Variants in TRIM9 observed in about 807,000 individuals in gnomAD.
The protein encoded by TRIM9 is E3 ubiquitin-protein ligase TRIM9.
TRIM9 carries 26 observed loss-of-function variants against 78.3 expected under a neutral mutation model. The observed-to-expected ratio is 0.33, with a 90% CI of 0.24 to 0.46. The LOEUF (loss-of-function observed/expected upper bound fraction) is 0.46. Among genes scored for constraint, TRIM9 ranks in the 20% least tolerant of loss-of-function variants. The pLI, the probability that TRIM9 is intolerant of heterozygous loss-of-function variation, is 1.00. For missense variants in TRIM9, 787 were observed against 1,036.4 expected (o/e 0.76, Z 3.30); for synonymous variants, 398 against 416.5 (o/e 0.96, Z 0.54).
chr14:51,027,656 T>C (rs1454535584), intron 1 of TRIM9, among the ~76,000 whole-genome samples: 3 of 152,330 alleles, frequency 2.0e-5, no homozygotes, highest in Admixed American at 1.3e-4. Flanking sequence ...AAATTCTTTA[T>C]GATTGGGTCT....
chr14:51,026,682 T>G (rs1191701975), intron 1 of TRIM9, among the ~76,000 whole-genome samples: 1 of 152,202 alleles, frequency 6.6e-6, no homozygotes, highest in Non-Finnish European at 1.5e-5. Context: ...AAATACAAAG[T>G]TGGGCACTGA....
At chr14:51,041,331 G>A (rs1168294487) in intron 1 of TRIM9, among the ~76,000 whole-genome samples, 2 of 152,222 alleles carry the variant, frequency 1.3e-5, no homozygotes, top group Non-Finnish European at 2.9e-5. Context: ...ATGCAAGGGC[G>A]GGTTACACGA....
At chr14:51,033,110 G>C (rs1293045604) in intron 1 of TRIM9, among the ~76,000 whole-genome samples, 1 of 152,136 alleles carries the variant, frequency 6.6e-6, no homozygotes, top group East Asian at 1.9e-4. Flanking sequence ...ATTTATTTGA[G>C]ATGGTGTCTC....
At chr14:51,025,171 G>T (rs1596203919) in intron 2 of TRIM9, 94 bp downstream of exon 2, 10 of 1,136,958 alleles carry the variant, frequency 8.8e-6, no homozygotes, top group Non-Finnish European at 1.3e-5. Context: ...ATTTTCCCAC[G>T]ACACATAAAA....
chr14:50,978,420 A>C (rs965274568), intron 12 of TRIM9, among the ~76,000 whole-genome samples: 3 of 151,558 alleles, frequency 2.0e-5, no homozygotes, highest in African/African-American at 2.4e-5. Context: ...TCCCCCTTCC[A>C]GGCCCCAGCC....
intron 1 of TRIM9, among the ~76,000 whole-genome samples, chr14:51,086,353 G>T (rs2140341204): frequency 7.6e-6 from 1 of 132,154 alleles, no homozygotes; most frequent in Middle Eastern, 4.2e-3. Flanking sequence ...ATGAGAAAAT[G>T]CTGTAAAAAT....
At chr14:50,982,387 C>T in intron 10 of TRIM9, 1 of 481,510 alleles carries the variant, frequency 2.1e-6, no homozygotes, top group East Asian at 3.8e-5. Flanking sequence ...TTGGAAGGTG[C>T]AAGTCCCTTC....
rs1282198608 is a variant in TRIM9, at chr14:50,976,889, A to G, written c.*402T>C. The G allele has an allele frequency of 6.4e-6, 1 of 155,390 alleles. No homozygotes were observed. Among genetic ancestry groups the G allele is most frequent in the African/African-American group, 2.4e-5 (1 of 41,596 alleles). The allele number at this position is 155,390 out of a possible 1,614,324, so 9.6% of individuals were successfully genotyped here. A position where few individuals can be genotyped will look rare whatever the true frequency, so the allele number is the denominator to read the frequency against. ...AACCTCATTGTTTGACAGAAAGCTT[A>G]AGAAAAAAAGTTAGCAGGAGAATTT... On this transcript the variant is annotated 3_prime_UTR_variant, in exon 13 of 13. Transcript: ENST00000684578.
chr14:51,092,204 C>T (rs2064411920), intron 1 of TRIM9, among the ~76,000 whole-genome samples: 1 of 152,088 alleles, frequency 6.6e-6, no homozygotes, highest in African/African-American at 2.4e-5. Context: ...ATGTCATTTT[C>T]AAAAATTTAA....
intron 3 of TRIM9, among the ~76,000 whole-genome samples, chr14:51,020,890 C>T (rs883897): frequency 0.061 from 9,276 of 152,240 alleles, 422 homozygotes; most frequent in East Asian, 0.17. Flanking sequence ...ATGTGACTGT[C>T]GCAAACTGTT....
intron 1 of TRIM9, among the ~76,000 whole-genome samples, chr14:51,051,313 A>T (rs1011532259): frequency 6.6e-5 from 10 of 152,232 alleles, no homozygotes; most frequent in Admixed American, 6.5e-5. Context: ...GATTGAAAAG[A>T]GAGCAAGGAA....
intron 1 of TRIM9, among the ~76,000 whole-genome samples, chr14:51,027,806 T>A (rs2058387326): frequency 1.3e-5 from 2 of 151,256 alleles, no homozygotes; most frequent in Non-Finnish European, 2.9e-5. Context: ...AAAGAAGAAA[T>A]TTTTTTTCAT....
chr14:51,063,529 A>G (rs765648182), intron 1 of TRIM9, among the ~76,000 whole-genome samples: 4 of 152,132 alleles, frequency 2.6e-5, no homozygotes, highest in East Asian at 1.9e-4. Flanking sequence ...AAACAGCAGA[A>G]GTACACATAC....
intron 12 of TRIM9, 96 bp from the exon 13 acceptor site, chr14:50,977,449 C>G: frequency 1.0e-6 from 1 of 956,468 alleles, no homozygotes; most frequent in Non-Finnish European, 1.4e-6. Flanking sequence ...AAAAAGTGTT[C>G]TGTTTGCTTC....
At chr14:51,054,569 G>A (rs2060731719) in intron 1 of TRIM9, among the ~76,000 whole-genome samples, 1 of 151,766 alleles carries the variant, frequency 6.6e-6, no homozygotes, top group Non-Finnish European at 1.5e-5. Flanking sequence ...AGCCATTGCC[G>A]CCGGCCAATG....
At position 50,988,574 on chromosome 14, in the gene TRIM9, C is replaced by CT. The variant is rs67154650; in HGVS notation, c.1604-2431dup. 6.5e-3 allele frequency among the ~76,000 whole-genome samples: 905 copies of CT among 138,222 alleles called. 4 individuals are homozygous for CT. Among genetic ancestry groups the CT allele is most frequent in the Middle Eastern group, 0.012 (3 of 256 alleles). The allele number at this position is 138,222 out of a possible 152,430, so 90.7% of individuals were successfully genotyped here. On this transcript the variant is annotated intron_variant, in intron 7 of 12. Coordinates refer to ENST00000684578, the MANE Select transcript of TRIM9 (RefSeq NM_001387360.1). ...TAACATCCATACTGTACAACCATTT[C>CT]TTTTTTTTTTTTTTTTTGAGTTTTT...
intron 7 of TRIM9, chr14:50,997,526 G>C (rs1046087829): frequency 5.1e-6 from 5 of 986,798 alleles, no homozygotes; most frequent in South Asian, 4.7e-5. Flanking sequence ...GGGTAAGCCA[G>C]GAGCAGCCAA....
intron 1 of TRIM9, among the ~76,000 whole-genome samples, chr14:51,088,361 A>G (rs774155730): frequency 5.3e-5 from 8 of 152,238 alleles, no homozygotes; most frequent in Admixed American, 1.3e-4. Context: ...ACATAGGCAT[A>G]TTGATACAAT....
chr14:50,978,569 G>A (rs946754679), intron 12 of TRIM9, among the ~76,000 whole-genome samples: 2 of 152,130 alleles, frequency 1.3e-5, no homozygotes, highest in South Asian at 4.1e-4. Flanking sequence ...CGGTAACTGC[G>A]ATAAGCCCTA....
Sources: gnomAD v4.1 joint callset for allele counts (sites outside exome capture counted in the v4.1 genomes callset) on GRCh38, gnomAD v4.1.1 for gene constraint, MANE v1.5 for transcripts, NCBI Gene and HGNC (gene_info 2026-07-23, HGNC 2026-07-21) for gene names.